TBCD: variants seen among roughly 807,000 people sequenced by gnomAD.
The protein encoded by TBCD is tubulin folding cofactor D.
Under a neutral mutation model 169.3 loss-of-function variants are expected in TBCD, and 105 were observed. The ratio of observed to expected loss-of-function variants is 0.62; its 90% CI spans 0.53 to 0.73. The LOEUF (loss-of-function observed/expected upper bound fraction) is 0.73. Ranked by LOEUF, TBCD falls within the 30% of genes least tolerant of loss-of-function variation. The pLI, the probability that TBCD is intolerant of heterozygous loss-of-function variation, is 0.00. For synonymous variants in TBCD, 700 were observed against 643.9 expected (o/e 1.09, Z -1.32); for missense variants, 1,444 against 1,600.1 (o/e 0.90, Z 1.66).
rs1047489247 is a variant in TBCD, at chr17:82,806,941, C to G, written c.1088-667C>G. ...CCCTTCCCCGTGTCCGCAGCCTGCC[C>G]CAGGTTCATTCCCGTCTCCCACCCG... is the stretch of plus-strand genomic sequence containing the variant. On this transcript the variant is annotated intron_variant, in intron 10 of 38. Transcript: ENST00000355528. This position sits in a 1 kb window ranked among gnomAD's most constrained non-coding sequence, Gnocchi z 5.1. Among the ~76,000 whole-genome samples the G allele has an allele frequency of 6.6e-6, 1 of 152,300 alleles. No homozygotes were observed. Among genetic ancestry groups the G allele is most frequent in the African/African-American group, 2.4e-5 (1 of 41,566 alleles).
At chr17:82,938,183 C>G in intron 36 of TBCD, 47 bp downstream of exon 36, 2 of 1,574,702 alleles carry the variant, frequency 1.3e-6, no homozygotes, top group Non-Finnish European at 1.7e-6. Context: ...TGGACACAAG[C>G]CCCTCAGTGA....
chr17:82,758,400 A>AAAAAAAAAAATAAAT (rs1035939621), intron 2 of TBCD, among the ~76,000 whole-genome samples: 80 of 100,010 alleles, frequency 8.0e-4, no homozygotes, highest in African/African-American at 1.5e-3. Context: ...AAAAAAAAAA[A>AAAAAAAAAAATAAAT]AAATAAATAA....
At chr17:82,842,769 T>A (rs1404814398) in intron 13 of TBCD, among the ~76,000 whole-genome samples, 1 of 149,650 alleles carries the variant, frequency 6.7e-6, no homozygotes, top group African/African-American at 2.5e-5. Context: ...TGTTCTTCAT[T>A]TTCTTTCTTT....
intron 13 of TBCD, among the ~76,000 whole-genome samples, chr17:82,862,353 CAGGAGAAGCCTCTCGGCGG>C (rs2056840914): frequency 6.6e-6 from 1 of 151,928 alleles, no homozygotes; most frequent in South Asian, 2.1e-4. Context: ...AGAGTTGGGT[CAGGAGAAGCCTCTCGGCGG>C]AGGAAGCCGG....
chr17:82,924,510 A>G (rs553088202), intron 26 of TBCD, among the ~76,000 whole-genome samples: 20 of 152,356 alleles, frequency 1.3e-4, no homozygotes, highest in African/African-American at 3.8e-4. Context: ...TCACATGCAC[A>G]TATGTTGGCC....
In TBCD at chr17:82,806,806, A is replaced by G. The variant is rs1183403577; in HGVS notation, c.1087+795A>G. 6.6e-6 allele frequency among the ~76,000 whole-genome samples: 1 copy of G among 151,444 alleles called. No homozygotes were observed. Among genetic ancestry groups the G allele is most frequent in the Non-Finnish European group, 1.5e-5 (1 of 67,852 alleles). Reference sequence around the variant, plus strand: ...CGTTGCCAGCCCCGAGCCAGCATCCACTCCGGCCCTTCCCTTGACCTTTGC... The same window carrying G: ...CGTTGCCAGCCCCGAGCCAGCATCCGCTCCGGCCCTTCCCTTGACCTTTGC... On this transcript the variant is annotated intron_variant, in intron 10 of 38. Coordinates refer to ENST00000355528, the MANE Select transcript of TBCD (RefSeq NM_005993.5). The surrounding 1 kb of genome is among the most constrained non-coding windows in gnomAD (Gnocchi z 5.1).
At chr17:82,910,818 G>C (rs148269573) in intron 22 of TBCD, among the ~76,000 whole-genome samples, 1 of 152,132 alleles carries the variant, frequency 6.6e-6, no homozygotes, top group African/African-American at 2.4e-5. Flanking sequence ...CGCCCGCCTC[G>C]GCCTTCCACA....
At chr17:82,794,259 G>C (rs541699788) in intron 7 of TBCD, among the ~76,000 whole-genome samples, 35 of 152,264 alleles carry the variant, frequency 2.3e-4, no homozygotes, top group Admixed American at 8.5e-4. Flanking sequence ...TGCCCCAGGG[G>C]GGGGAAGCTG....
In TBCD at chr17:82,806,468, C is replaced by T. The variant is rs2050969573; in HGVS notation, c.1087+457C>T. ...GCCCTGTTCTCCTCCTGTGGGGTCTCCTGCTGCACAGAGACAGAGCCATCA... is the reference window on the plus strand; with the variant it reads ...GCCCTGTTCTCCTCCTGTGGGGTCTTCTGCTGCACAGAGACAGAGCCATCA... On this transcript the variant is annotated intron_variant, in intron 10 of 38. Transcript: ENST00000355528. The surrounding 1 kb of genome is among the most constrained non-coding windows in gnomAD (Gnocchi z 5.1). Among the ~76,000 whole-genome samples the T allele has an allele frequency of 6.6e-6, 1 of 152,118 alleles. No homozygotes were observed. The highest frequency in any genetic ancestry group is 1.5e-5 in the Non-Finnish European group (1 of 68,024).
At chr17:82,768,393 C>G (rs370221247) in intron 4 of TBCD, 27 bp from the exon 5 acceptor site, 25 of 1,613,120 alleles carry the variant, frequency 1.5e-5, no homozygotes, top group African/African-American at 2.7e-5. Flanking sequence ...AAGCAAGACT[C>G]ATTCTTCCCG....
intron 13 of TBCD, chr17:82,838,990 T>C: frequency 1.0e-6 from 1 of 985,078 alleles, no homozygotes; most frequent in Admixed American, 6.1e-5. Flanking sequence ...AAATCAAGTT[T>C]ATGAGAAATT....
chr17:82,830,977 A>G, intron 13 of TBCD: 1 of 1,613,660 alleles, frequency 6.2e-7, no homozygotes, highest in Non-Finnish European at 8.5e-7. Flanking sequence ...GAACCCAACC[A>G]GAAACATTCC....
chr17:82,864,964 G>A lies in TBCD; in HGVS notation c.1319-5260G>A, dbSNP rs923599575. Among the ~76,000 whole-genome samples the A allele has an allele frequency of 3.9e-5, 6 of 152,260 alleles. No homozygotes were observed. In the South Asian group the frequency reaches 6.2e-4, roughly 16 times the overall value. ...GCTCCTTGCCCCCCAAGGGCAGGCCGAGCACCAAGTCTGTGCTTGCCCCAC... is the reference window on the plus strand; with the variant it reads ...GCTCCTTGCCCCCCAAGGGCAGGCCAAGCACCAAGTCTGTGCTTGCCCCAC... On this transcript the variant is annotated intron_variant, in intron 13 of 38. Transcript: ENST00000355528. The surrounding 1 kb of genome is among the most constrained non-coding windows in gnomAD (Gnocchi z 6.3).
At chr17:82,839,000 T>A (rs1416656918) in intron 13 of TBCD, 1 of 983,656 alleles carries the variant, frequency 1.0e-6, no homozygotes, top group Non-Finnish European at 1.2e-6. Flanking sequence ...TATGAGAAAT[T>A]TCATATAAGG....
Position 82,887,168 on chromosome 17 carries a change from T to TGTGTGTGTGTGTGTGC in TBCD, c.1534-2499_1534-2498insTGTGTGTGTGTGTGCG. On this transcript the variant is annotated intron_variant, in intron 15 of 38. Coordinates refer to ENST00000355528, the MANE Select transcript of TBCD (RefSeq NM_005993.5). ...GTGTGTGTGTGTGTGTGTGTGTGTGTGCGCGCGCGCGCACGTGCGCTCACG... is the reference window on the plus strand; with the variant it reads ...GTGTGTGTGTGTGTGTGTGTGTGTGTGTGTGTGTGTGTGTGCGCGCGCGCGCGCACGTGCGCTCACG... 2.6e-3 allele frequency among the ~76,000 whole-genome samples: 327 copies of TGTGTGTGTGTGTGTGC among 126,142 alleles called. 1 individual carries two copies. Among genetic ancestry groups the TGTGTGTGTGTGTGTGC allele is most frequent in the African/African-American group, 9.7e-3 (291 of 30,064 alleles). 82.8% of individuals were successfully genotyped at this position (126,142 alleles called of 152,430 possible).
chr17:82,836,030 C>CG (rs2053942682), intron 13 of TBCD, among the ~76,000 whole-genome samples: 1 of 152,226 alleles, frequency 6.6e-6, no homozygotes, highest in Non-Finnish European at 1.5e-5. Flanking sequence ...TACAAGGCAC[C>CG]GGGTCAAGGC....
At position 82,787,593 on chromosome 17, in the gene TBCD, G is replaced by A. The variant is rs796474873; in HGVS notation, c.771+5872G>A. On this transcript the variant is annotated intron_variant, in intron 7 of 38. Transcript: ENST00000355528. ...GCAGAGCTGCAGGCAGAGGCCGGGC[G>A]CCTGCTGTACATGATGAAACTTGCA... Among the ~76,000 whole-genome samples, 4 of 152,344 alleles carry A rather than the reference G, an allele frequency of 2.6e-5. No individual in the cohort carries two copies. The East Asian group carries it at 5.8e-4, about 22-fold the overall frequency.
intron 12 of TBCD, among the ~76,000 whole-genome samples, chr17:82,812,035 C>T (rs755726320): frequency 1.1e-4 from 17 of 152,158 alleles, no homozygotes; most frequent in African/African-American, 1.7e-4. Context: ...CAAGCGTGCA[C>T]GACTCCCTCA....
chr17:82,758,399 A>AAT (rs1555672621), intron 2 of TBCD, among the ~76,000 whole-genome samples: 27 of 131,664 alleles, frequency 2.1e-4, no homozygotes, highest in Non-Finnish European at 2.5e-4. Flanking sequence ...AAAAAAAAAA[A>AAT]AAAATAAATA....
Sources: allele counts gnomAD v4.1 joint callset (sites outside exome capture counted in the v4.1 genomes callset), GRCh38; gene constraint gnomAD v4.1.1; non-coding constraint Gnocchi (gnomAD v3.1); transcripts MANE v1.5; gene names NCBI Gene and HGNC (gene_info 2026-07-23, HGNC 2026-07-21).